Variants in CAMK2D observed in about 807,000 individuals in gnomAD.
CAMK2D encodes calcium/calmodulin dependent protein kinase II delta.
CAMK2D carries 37 observed loss-of-function variants against 84.0 expected under a neutral mutation model. That is an observed-to-expected ratio of 0.44 (90% CI 0.34 to 0.58). The LOEUF (loss-of-function observed/expected upper bound fraction) is 0.58. CAMK2D is among the 20% of genes least tolerant of loss of function. CAMK2D has a pLI of 0.02. For missense variants in CAMK2D, 448 were observed against 652.5 expected (o/e 0.69, Z 3.41); for synonymous variants, 202 against 212.5 (o/e 0.95, Z 0.43).
intron 2 of CAMK2D, among the ~76,000 whole-genome samples, chr4:113,748,113 A>G (rs986674044): frequency 6.6e-6 from 1 of 152,070 alleles, no homozygotes; most frequent in Non-Finnish European, 1.5e-5. Flanking sequence ...CTGACCTCTC[A>G]TCAACCCAAC....
At chr4:113,531,348 A>AT (rs774585317) in intron 7 of CAMK2D, 49 bp from the exon 8 acceptor site, 5 of 929,006 alleles carry the variant, frequency 5.4e-6, no homozygotes, top group Non-Finnish European at 7.2e-6. Flanking sequence ...ACAAAACAAT[A>AT]TGAAATGGGA....
At chr4:113,487,405 ACT>A (rs2154134428) in intron 16 of CAMK2D, among the ~76,000 whole-genome samples, 1 of 152,124 alleles carries the variant, frequency 6.6e-6, no homozygotes, top group East Asian at 1.9e-4. Flanking sequence ...AATAATACAA[ACT>A]CAGCAAAGGA....
At chr4:113,521,188 G>A (rs561421962) in intron 8 of CAMK2D, among the ~76,000 whole-genome samples, 5 of 144,790 alleles carry the variant, frequency 3.5e-5, no homozygotes, top group Non-Finnish European at 7.4e-5. Context: ...TTAAAATAAC[G>A]CATTGGCTCC....
intron 2 of CAMK2D, among the ~76,000 whole-genome samples, chr4:113,675,162 G>A (rs1438916473): frequency 6.6e-6 from 1 of 151,738 alleles, no homozygotes; most frequent in Non-Finnish European, 1.5e-5. Flanking sequence ...CTTAATATTG[G>A]CTTTAAAAAT....
chr4:113,734,401 C>G (rs1017086762), intron 2 of CAMK2D, among the ~76,000 whole-genome samples: 2 of 152,134 alleles, frequency 1.3e-5, no homozygotes, highest in Non-Finnish European at 2.9e-5. Flanking sequence ...TCACAATTTA[C>G]AAATTTGCAA....
chr4:113,748,500 T>G (rs1178532267), intron 2 of CAMK2D, among the ~76,000 whole-genome samples: 1 of 152,036 alleles, frequency 6.6e-6, no homozygotes, highest in East Asian at 1.9e-4. Context: ...ATAAAAAAAG[T>G]TATACAAAAG....
Position 113,470,289 on chromosome 4 carries a change from A to AC in CAMK2D, c.1136-4686dup, listed in dbSNP as rs201769349. ...CTGTCTTCTCTTCTTGGAAAACTGC[A>AC]CCCCCCCCATTTTGCTCCTACTTCT... On this transcript the variant is annotated intron_variant, in intron 16 of 20. Coordinates refer to ENST00000511664, the MANE Select transcript of CAMK2D (RefSeq NM_001321571.2). 8.3e-3 allele frequency among the ~76,000 whole-genome samples: 1,244 copies of AC among 149,046 alleles called. 17 individuals carry two copies. The highest frequency in any genetic ancestry group is 0.026 in the African/African-American group (1,048 of 40,314).
intron 4 of CAMK2D, among the ~76,000 whole-genome samples, chr4:113,572,482 G>C (rs958801544): frequency 4.0e-5 from 6 of 150,500 alleles, no homozygotes; most frequent in African/African-American, 1.5e-4. Flanking sequence ...GACATGAACA[G>C]ACACTTCTCA....
chr4:113,492,526 T>A (rs1335030710), intron 16 of CAMK2D, among the ~76,000 whole-genome samples: 3 of 152,192 alleles, frequency 2.0e-5, no homozygotes, highest in African/African-American at 7.2e-5. Flanking sequence ...ATAATTTCTG[T>A]TCTTTTACAT....
At chr4:113,587,520 T>G (rs773757657) in intron 4 of CAMK2D, among the ~76,000 whole-genome samples, 5 of 152,170 alleles carry the variant, frequency 3.3e-5, no homozygotes, top group Admixed American at 6.6e-5. Context: ...AGGGTCTTTA[T>G]TCTTAATTAT....
chr4:113,534,451 T>C (rs2098476911), intron 7 of CAMK2D, among the ~76,000 whole-genome samples: 1 of 152,220 alleles, frequency 6.6e-6, no homozygotes, highest in African/African-American at 2.4e-5. Context: ...TTAAAAGTTA[T>C]TACTCTAACA....
intron 8 of CAMK2D, among the ~76,000 whole-genome samples, chr4:113,530,860 G>A (rs952396838): frequency 6.6e-6 from 1 of 152,096 alleles, no homozygotes; most frequent in African/African-American, 2.4e-5. Flanking sequence ...TGAGGCAGGT[G>A]GATCACCTGA....
chr4:113,647,668 G>A (rs1462638934), intron 3 of CAMK2D, among the ~76,000 whole-genome samples: 2 of 152,244 alleles, frequency 1.3e-5, no homozygotes, highest in Non-Finnish European at 2.9e-5. Flanking sequence ...GGAAGGAAGA[G>A]AGAGTAGAGG....
rs1268158996 is a variant in CAMK2D at position 113,463,641 on chromosome 4, G to A, written c.1211+1888C>T. ...TCTGCCTGCCTTGGCCTCCCAAAGC[G>A]CTAGGATTACAGGCGTGAGACATCG... On this transcript the variant is annotated intron_variant, in intron 17 of 20. Coordinates refer to ENST00000511664, the MANE Select transcript of CAMK2D (RefSeq NM_001321571.2). 6.6e-5 allele frequency among the ~76,000 whole-genome samples: 10 copies of A among 152,292 alleles called. No individual in the cohort carries two copies. The East Asian group carries it at 7.7e-4, about 12-fold the overall frequency.
chr4:113,554,045 A>G (rs1441241667), intron 4 of CAMK2D, among the ~76,000 whole-genome samples: 3 of 152,150 alleles, frequency 2.0e-5, no homozygotes, highest in African/African-American at 7.2e-5. Flanking sequence ...AAAATGTTTA[A>G]TAAACATTGA....
intron 3 of CAMK2D, among the ~76,000 whole-genome samples, chr4:113,613,876 GT>G (rs1180258530): frequency 2.0e-5 from 3 of 152,068 alleles, no homozygotes; most frequent in African/African-American, 7.2e-5. Flanking sequence ...GTGTATGTGT[GT>G]GTGTGCGAGA....
At chr4:113,691,540 G>T (rs964255998) in intron 2 of CAMK2D, among the ~76,000 whole-genome samples, 5 of 152,160 alleles carry the variant, frequency 3.3e-5, no homozygotes, top group African/African-American at 1.2e-4. Flanking sequence ...ATCACTTGAG[G>T]TCAGGGGTTC....
intron 3 of CAMK2D, among the ~76,000 whole-genome samples, chr4:113,620,744 G>T (rs2099042435): frequency 6.6e-6 from 1 of 152,046 alleles, no homozygotes; most frequent in Non-Finnish European, 1.5e-5. Context: ...TTGACCTTGT[G>T]ATCTGCCTGC....
At chr4:113,572,759 C>T (rs1330136554) in intron 4 of CAMK2D, among the ~76,000 whole-genome samples, 5 of 151,936 alleles carry the variant, frequency 3.3e-5, no homozygotes, top group Non-Finnish European at 7.4e-5. Context: ...AACTACCATT[C>T]GACCCAGCAA....
Sources: gnomAD v4.1 joint callset for allele counts (sites outside exome capture counted in the v4.1 genomes callset) on GRCh38, gnomAD v4.1.1 for gene constraint, MANE v1.5 for transcripts, NCBI Gene and HGNC (gene_info 2026-07-23, HGNC 2026-07-21) for gene names.